DNAJA3: variants seen among roughly 807,000 people sequenced by gnomAD.
DNAJA3 encodes the protein dnaJ homolog subfamily A member 3, mitochondrial.
In DNAJA3, 29 loss-of-function variants were observed where a neutral mutation model predicts 54.9. The observed-to-expected ratio is 0.53, with a 90% CI of 0.39 to 0.72. The LOEUF (loss-of-function observed/expected upper bound fraction) is 0.72, where lower values mean the gene tolerates loss of function less well. Among genes scored for constraint, DNAJA3 ranks in the 30% least tolerant of loss-of-function variants. The probability of loss-of-function intolerance (pLI) is 0.00; values close to 1 mark genes in which losing one functional copy is unlikely to be tolerated. For missense variants in DNAJA3, 708 were observed against 639.4 expected (o/e 1.11, Z -1.16); for synonymous variants, 302 against 251.4 (o/e 1.20, Z -1.90).
chr16:4,443,227 C>T lies in DNAJA3; in HGVS notation c.931+63C>T, dbSNP rs140400372. ...AGGGCAGACAGGGTTGAGGCTACCA[C>T]ACCGTGTGGAGAGGGTGGACAGGGC... is the stretch of plus-strand genomic sequence containing the variant. On this transcript the variant is annotated intron_variant, in intron 6 of 11. Transcript: ENST00000262375. 3.7e-4 allele frequency: 596 copies of T among 1,592,116 alleles called. 6 individuals are homozygous for T. In the African/African-American group the frequency reaches 7.2e-3, roughly 19 times the overall value.
intron 4 of DNAJA3, 27 bp downstream of exon 4, chr16:4,441,602 T>G (rs2141382154): frequency 6.2e-7 from 1 of 1,609,844 alleles, no homozygotes; most frequent in Non-Finnish European, 8.5e-7. Flanking sequence ...GAAGAATTAT[T>G]CAAATTTTAG....
chr16:4,428,348 T>C (rs911300574), intron 1 of DNAJA3, among the ~76,000 whole-genome samples: 7 of 152,208 alleles, frequency 4.6e-5, no homozygotes, highest in Non-Finnish European at 8.8e-5. Context: ...GCTGGGCTTA[T>C]AGGTGTGTGC....
intron 1 of DNAJA3, chr16:4,433,519 G>A (rs569923596): frequency 1.3e-5 from 2 of 152,358 alleles, no homozygotes; most frequent in South Asian, 2.1e-4. Flanking sequence ...AATGTCTGGA[G>A]TAGGGCTTGA....
chr16:4,454,897 A>G lies in DNAJA3; in HGVS notation c.1426A>G (p.Lys476Glu), dbSNP rs773201005. 16 of 1,613,802 alleles carry G rather than the reference A, an allele frequency of 9.9e-6. No homozygotes were observed. In the South Asian group the frequency reaches 1.8e-4, roughly 18 times the overall value. Residue 476 changes from lysine to glutamate, a missense_variant, in exon 11 of 12, where the codon AAA becomes GAA. Physicochemically the swap from Lys to Glu is moderately conservative, Grantham distance 56 (BLOSUM62 1). Transcript: ENST00000262375. ...GGAGGGATTCCTTTCCAAACTTAAG[A>G]AAATGTTTACCTCATGATATCCCAG... ...DEEGFLSKLK[K>E]MFTS is the part of the protein sequence containing the mutation.
Position 4,455,862 on chromosome 16 carries a change from GT to G in DNAJA3, c.*331del. 1.9e-6 allele frequency: 1 copy of G among 529,464 alleles called. No individual in the cohort carries two copies. The highest frequency in any genetic ancestry group is 3.4e-6 in the Non-Finnish European group (1 of 295,494). 32.8% of individuals were successfully genotyped at this position (529,464 alleles called of 1,614,324 possible). A position where few individuals can be genotyped will look rare whatever the true frequency, so the allele number is the denominator to read the frequency against. ...AAACTCTAATTTGGAATTGAATATT[GT>G]GGATATCTTAGTTAAAGGCCATGCT... On this transcript the variant is annotated 3_prime_UTR_variant, in exon 12 of 12. Coordinates refer to ENST00000262375, the MANE Select transcript of DNAJA3 (RefSeq NM_005147.6).
chr16:4,452,719 G>A (rs2141397428), intron 10 of DNAJA3, among the ~76,000 whole-genome samples: 1 of 152,228 alleles, frequency 6.6e-6, no homozygotes. Context: ...GACCAGCCTG[G>A]GCAATATAGC....
At chr16:4,439,304 G>A (rs997842936) in intron 3 of DNAJA3, among the ~76,000 whole-genome samples, 2 of 149,868 alleles carry the variant, frequency 1.3e-5, no homozygotes, top group Non-Finnish European at 3.0e-5. Context: ...TCAGTGAGCC[G>A]AAGATTGCGC....
intron 8 of DNAJA3, chr16:4,447,928 C>G (rs2056922681): frequency 6.6e-6 from 1 of 150,680 alleles, no homozygotes; most frequent in African/African-American, 2.4e-5. Flanking sequence ...CCAGGCTGGT[C>G]TTCAACTCCT....
At chr16:4,427,875 G>T (rs933136889) in intron 1 of DNAJA3, among the ~76,000 whole-genome samples, 1 of 151,962 alleles carries the variant, frequency 6.6e-6, no homozygotes, top group Non-Finnish European at 1.5e-5. Flanking sequence ...CCCAGGCTGG[G>T]CTAAAGTGAT....
chr16:4,448,090 G>T (rs544483496), intron 8 of DNAJA3: 2 of 135,384 alleles, frequency 1.5e-5, no homozygotes, highest in Non-Finnish European at 3.1e-5. Flanking sequence ...GTGCAGTAGC[G>T]CGATCTTGGC....
rs565677197 is a variant in DNAJA3 at position 4,455,666 on chromosome 16, G to A, written c.*134G>A. ...GCTCCCACCCGCAGAGCCTCTGGAC[G>A]GCCTTGGCAACAGCAAAATCATGGG... On this transcript the variant is annotated 3_prime_UTR_variant, in exon 12 of 12. Coordinates refer to ENST00000262375, the MANE Select transcript of DNAJA3 (RefSeq NM_005147.6). The A allele has an allele frequency of 2.0e-5, 29 of 1,428,078 alleles. No individual in the cohort carries two copies. In the South Asian group the frequency reaches 2.2e-4, roughly 11 times the overall value. The allele number at this position is 1,428,078 out of a possible 1,614,324, so 88.5% of individuals were successfully genotyped here. A position where few individuals can be genotyped will look rare whatever the true frequency, so the allele number is the denominator to read the frequency against.
chr16:4,439,580 G>C (rs955770904), intron 3 of DNAJA3, among the ~76,000 whole-genome samples: 3 of 152,146 alleles, frequency 2.0e-5, no homozygotes, highest in Non-Finnish European at 4.4e-5. Flanking sequence ...TTTTCCACAT[G>C]GTTAGTTGAT....
chr16:4,436,851 T>G (rs940458652), intron 2 of DNAJA3, among the ~76,000 whole-genome samples: 1 of 152,146 alleles, frequency 6.6e-6, no homozygotes, highest in Non-Finnish European at 1.5e-5. Context: ...TTTAAAAATT[T>G]GTTTTTCTTT....
At chr16:4,428,503 T>G (rs1325855270) in intron 1 of DNAJA3, among the ~76,000 whole-genome samples, 2 of 152,218 alleles carry the variant, frequency 1.3e-5, no homozygotes, top group African/African-American at 4.8e-5. Context: ...CTTGTTTTAT[T>G]AAGCCAAATT....
chr16:4,450,766 A>G (rs769449698), intron 10 of DNAJA3, among the ~76,000 whole-genome samples: 5 of 152,170 alleles, frequency 3.3e-5, no homozygotes, highest in Admixed American at 1.3e-4. Context: ...CGTGTCTCAG[A>G]CCCAGTGTTC....
intron 3 of DNAJA3, among the ~76,000 whole-genome samples, chr16:4,437,911 G>C (rs2056791091): frequency 6.6e-6 from 1 of 151,652 alleles, no homozygotes; most frequent in African/African-American, 2.4e-5. Context: ...TGCCATGATT[G>C]TGCCATAGAA....
chr16:4,426,036 T>G lies in DNAJA3; in HGVS notation c.155T>G (p.Leu52Arg). 15 of 1,606,514 alleles carry G rather than the reference T, an allele frequency of 9.3e-6. No homozygotes were observed. Among genetic ancestry groups the G allele is most frequent in the Middle Eastern group, 1.7e-4 (1 of 6,030 alleles). The stretch of plus-strand genomic sequence containing the variant: ...AGCGTCCCCGCCTTTGCGTCTTCCC[T>G]GACCTCTTGCGGCCCCCGAGCGCTG... ...KLSVPAFASSLTSCGPRALLT... is the reference protein window; with the variant it reads ...KLSVPAFASSRTSCGPRALLT... The change falls in exon 1 of 12, where the codon CTG becomes CGG. Residue 52 changes from leucine to arginine, a missense_variant. Physicochemically the swap from Leu to Arg is moderately radical, Grantham distance 102. Transcript: ENST00000262375.
At chr16:4,447,668 T>G (rs1188889316) in intron 8 of DNAJA3, 2 of 152,750 alleles carry the variant, frequency 1.3e-5, no homozygotes, top group Non-Finnish European at 2.9e-5. Context: ...TTTTCCTGCT[T>G]TGCTCCCTCA....
intron 7 of DNAJA3, among the ~76,000 whole-genome samples, 164 bp from the exon 8 acceptor site, chr16:4,446,722 G>A (rs2056905844): frequency 6.6e-6 from 1 of 152,136 alleles, no homozygotes; most frequent in Admixed American, 6.5e-5. Flanking sequence ...GCCTGGGATG[G>A]TGTCTCCTTG....
Sources: gnomAD v4.1 joint callset for allele counts (sites outside exome capture counted in the v4.1 genomes callset) on GRCh38, gnomAD v4.1.1 for gene constraint, MANE v1.5 for transcripts, NCBI Gene and HGNC (gene_info 2026-07-23, HGNC 2026-07-21) for gene names.